The following MAP3K19 variants were observed in gnomAD, a reference collection of about 807,000 sequenced individuals.
MAP3K19 encodes mitogen-activated protein kinase kinase kinase 19, also known as SPS1/STE20-related protein kinase YSK4.
A neutral mutation model predicts 114.4 loss-of-function variants in MAP3K19; 91 were observed. The observed-to-expected ratio is 0.80, with a 90% confidence interval of 0.67 to 0.95. MAP3K19 has a LOEUF of 0.95. MAP3K19 is among the 40% of genes least tolerant of loss of function. The probability of loss-of-function intolerance (pLI) is 0.00; values close to 1 mark genes in which losing one functional copy is unlikely to be tolerated. For missense variants in MAP3K19, 1,471 were observed against 1,573.2 expected, an observed-to-expected ratio of 0.94 and a Z score of 1.10; for synonymous variants, 518 against 530.5, an observed-to-expected ratio of 0.98 and a Z score of 0.32.
At chr2:134,970,558 A>T (rs1032188644) in intron 12 of MAP3K19, among the ~76,000 whole-genome samples, 6 of 149,918 alleles carry the variant, frequency 4.0e-5, no homozygotes, top group African/African-American at 1.2e-4. Context: ...ATCTGCAAAG[A>T]GGCACTGTTT....
rs745691155 is a variant in MAP3K19 at position 134,991,493 on chromosome 2, T to C, written c.618+44A>G. The C allele has an allele frequency of 4.1e-4, 634 of 1,551,420 alleles. 2 individuals carry two copies. The highest frequency in any genetic ancestry group is 7.7e-5 in the Non-Finnish European group (87 of 1,122,952). The stretch of plus-strand genomic sequence containing the variant: ...GGTTCTAAATTAGTGAATAGAGTTG[T>C]TTGGTTTTAATTCTCAAGTCAAAAA... On this transcript the variant is annotated intron_variant, in intron 9 of 12. Coordinates refer to ENST00000392915, the MANE Select transcript of MAP3K19 (RefSeq NM_025052.5).
rs761520510 is a variant in MAP3K19 at position 135,024,618 on chromosome 2, G to A, written c.22+8C>T. The stretch of plus-strand genomic sequence containing the variant: ...GGGAAATTATGCATGTGGAGTGAAA[G>A]TATTTACCTGGTTTTGGCATAGAAC... On this transcript the variant is annotated splice_region_variant and intron_variant, in intron 4 of 12. Transcript: ENST00000392915. 53 of 1,613,044 alleles carry A rather than the reference G, an allele frequency of 3.3e-5. No homozygotes were observed. Among genetic ancestry groups the A allele is most frequent in the Non-Finnish European group, 3.9e-5 (46 of 1,179,230 alleles).
intron 10 of MAP3K19, among the ~76,000 whole-genome samples, chr2:134,985,071 G>T (rs1164898031): frequency 2.0e-5 from 3 of 152,136 alleles, no homozygotes; most frequent in Non-Finnish European, 2.9e-5. Context: ...TTTCAGTTTG[G>T]GAGGCTTGTG....
In MAP3K19 at chr2:134,998,928, C is replaced by T. The variant is rs748788183; in HGVS notation, c.384G>A (p.Thr128=). 7.4e-6 allele frequency: 12 copies of T among 1,614,018 alleles called. No homozygotes were observed. Among genetic ancestry groups the T allele is most frequent in the South Asian group, 4.4e-5 (4 of 91,082 alleles). ...TCAGCTTCTTTTTCCTGAGCTCCACCGTTTCTATTTCATTTGGATGAGAAA... is the reference window on the plus strand; with the variant it reads ...TCAGCTTCTTTTTCCTGAGCTCCACTGTTTCTATTTCATTTGGATGAGAAA... ...HAVSHPNEIE[T]VELRKKKLTM... is the part of the protein sequence containing the mutation. The change falls in exon 8 of 13, where the codon ACG becomes ACA. Residue 128 remains threonine, a synonymous_variant. Transcript: ENST00000392915.
At chr2:135,018,281 C>CAAAAAAA (rs781510594) in intron 5 of MAP3K19, among the ~76,000 whole-genome samples, 172 of 58,242 alleles carry the variant, frequency 3.0e-3, no homozygotes, top group East Asian at 4.8e-3. Context: ...GCAACAACAG[C>CAAAAAAA]AAAAAAAAAA....
rs1315325896 is a variant in MAP3K19, at chr2:134,985,802, G to A, written c.3070C>T (p.Gln1024Ter). ...TCTTGGATTCTAATTATACCAACCT[G>A]TATTTTGACTTTTGTTGTCTCTCTG... ...MGRETTKVKI[Q>*]RHSSGLRIYD... is the part of the protein sequence containing the mutation. Residue 1024 changes from glutamine (Q) to a stop codon, truncating the protein, a stop_gained and splice_region_variant, in exon 10 of 13, where the codon CAG becomes TAG. Coordinates refer to ENST00000392915, the MANE Select transcript of MAP3K19 (RefSeq NM_025052.5). LOFTEE classifies it high-confidence loss of function. 1 of 1,598,814 alleles carries A rather than the reference G, an allele frequency of 6.3e-7. No homozygotes were observed. The highest frequency in any genetic ancestry group is 8.5e-7 in the Non-Finnish European group (1 of 1,173,408).
At chr2:135,021,636 T>C (rs1331589855) in intron 5 of MAP3K19, 79 bp downstream of exon 5, 1 of 728,674 alleles carries the variant, frequency 1.4e-6, no homozygotes, top group African/African-American at 1.8e-5. Context: ...TATATGAGTG[T>C]TATGAAGTAT....
At chr2:135,032,350 C>T (rs1340940153) in intron 2 of MAP3K19, among the ~76,000 whole-genome samples, 2 of 132,302 alleles carry the variant, frequency 1.5e-5, no homozygotes, top group African/African-American at 6.1e-5. Context: ...GAGTGAGACT[C>T]TGTCTGAAAA....
intron 8 of MAP3K19, among the ~76,000 whole-genome samples, chr2:134,994,170 T>C (rs1385148366): frequency 1.3e-5 from 2 of 152,092 alleles, no homozygotes; most frequent in East Asian, 3.9e-4. Flanking sequence ...ACCCAAATGA[T>C]AAAACAACAG....
intron 12 of MAP3K19, among the ~76,000 whole-genome samples, chr2:134,970,596 T>C (rs1353931117): frequency 1.8e-5 from 2 of 111,302 alleles, no homozygotes; most frequent in African/African-American, 3.9e-5. Context: ...TTTGAATGCC[T>C]TTTTTTTTTT....
At chr2:135,014,359 T>A (rs1687443076) in intron 5 of MAP3K19, among the ~76,000 whole-genome samples, 1 of 150,854 alleles carries the variant, frequency 6.6e-6, no homozygotes, top group Non-Finnish European at 1.5e-5. Context: ...AGACCCTGTC[T>A]CCAAAAAAGA....
rs776080036 is a variant in MAP3K19, at chr2:134,998,870, T to C, written c.442A>G (p.Ser148Gly). Residue 148 changes from serine to glycine, a missense_variant, in exon 8 of 13, where the codon AGT becomes GGT. Transcript: ENST00000392915. ...TTCACATTGCAGAGCTCCCTGGAAC[T>C]TTCCTCTTTTTGCAAAACTAAGGGC... ...MRPLVLQKEE[S>G]SRELCNVNLG... The C allele has an allele frequency of 2.6e-5, 42 of 1,614,114 alleles. No homozygotes were observed. Among genetic ancestry groups the C allele is most frequent in the Non-Finnish European group, 3.4e-5 (40 of 1,180,042 alleles).
At chr2:134,997,528 A>G (rs1010698926) in intron 8 of MAP3K19, among the ~76,000 whole-genome samples, 2 of 152,076 alleles carry the variant, frequency 1.3e-5, no homozygotes, top group Non-Finnish European at 2.9e-5. Flanking sequence ...AATAAAACAA[A>G]AAAAAATTTA....
At chr2:134,985,071 G>C (rs1164898031) in intron 10 of MAP3K19, among the ~76,000 whole-genome samples, 1 of 152,136 alleles carries the variant, frequency 6.6e-6, no homozygotes, top group East Asian at 1.9e-4. Flanking sequence ...TTTCAGTTTG[G>C]GAGGCTTGTG....
rs529462613 is a variant in MAP3K19, at chr2:135,033,333, C to T, written c.-283-2833G>A. Among the ~76,000 whole-genome samples, 3 of 121,686 alleles carry T rather than the reference C, an allele frequency of 2.5e-5. 1 individual carries two copies. The highest frequency in any genetic ancestry group is 1.6e-4 in the Admixed American group (2 of 12,392). The allele number at this position is 121,686 out of a possible 152,430, so 79.8% of individuals were successfully genotyped here. On this transcript the variant is annotated intron_variant, in intron 2 of 12. Coordinates refer to ENST00000392915, the MANE Select transcript of MAP3K19 (RefSeq NM_025052.5). ...TAGGAGCGGCTGGGCAGAGGCGCCC[C>T]TCACCTCCCGGACGGGGCAGCTGGC... is the stretch of plus-strand genomic sequence containing the variant.
chr2:135,021,407 G>A lies in MAP3K19; in HGVS notation c.138+308C>T, dbSNP rs193070754. ...CCAGGACTGTAAGAAATAAATTTCT[G>A]TTTATAAGCTACCCAATCTATGGTA... is the stretch of plus-strand genomic sequence containing the variant. On this transcript the variant is annotated intron_variant, in intron 5 of 12. Coordinates refer to ENST00000392915, the MANE Select transcript of MAP3K19 (RefSeq NM_025052.5). Among the ~76,000 whole-genome samples the A allele has an allele frequency of 3.3e-5, 5 of 151,524 alleles. No individual in the cohort carries two copies. The East Asian group carries it at 9.8e-4, about 30-fold the overall frequency.
intron 12 of MAP3K19, among the ~76,000 whole-genome samples, chr2:134,979,328 A>G (rs1248252663): frequency 6.6e-6 from 1 of 152,162 alleles, no homozygotes; most frequent in East Asian, 1.9e-4. Context: ...TAACCTTCAC[A>G]ATAACCCTGT....
At chr2:134,968,300 T>A (rs1438841080) in intron 12 of MAP3K19, among the ~76,000 whole-genome samples, 1 of 151,986 alleles carries the variant, frequency 6.6e-6, no homozygotes, top group East Asian at 1.9e-4. Flanking sequence ...TCTCAGTCTT[T>A]TCCCCACCTT....
chr2:134,997,711 T>C (rs1272254437), intron 8 of MAP3K19, among the ~76,000 whole-genome samples: 3 of 151,258 alleles, frequency 2.0e-5, no homozygotes, highest in Non-Finnish European at 4.4e-5. Context: ...CCCAGCTACT[T>C]GGGAGGCTGA....
Sources: allele counts gnomAD v4.1 joint callset (sites outside exome capture counted in the v4.1 genomes callset), GRCh38; gene constraint gnomAD v4.1.1; transcripts MANE v1.5; gene names NCBI Gene and HGNC (gene_info 2026-07-23, HGNC 2026-07-21).